The following LRRC1 variants were observed in gnomAD, a reference collection of about 807,000 sequenced individuals.
LRRC1 encodes the protein leucine-rich repeat-containing protein 1.
In LRRC1, 28 loss-of-function variants were observed where a neutral mutation model predicts 69.9. The observed-to-expected ratio is 0.40, with a 90% confidence interval of 0.30 to 0.55. The LOEUF is 0.55. Among genes scored for constraint, LRRC1 ranks in the 20% least tolerant of loss-of-function variants. The probability of loss-of-function intolerance (pLI) is 0.47; values close to 1 mark genes in which losing one functional copy is unlikely to be tolerated. For missense variants in LRRC1, 498 were observed against 609.0 expected (o/e 0.82, Z 1.92); for synonymous variants, 236 against 240.2 (o/e 0.98, Z 0.16).
intron 4 of LRRC1, among the ~76,000 whole-genome samples, chr6:53,894,137 G>A (rs1767792908): frequency 6.6e-6 from 1 of 152,240 alleles, no homozygotes. Flanking sequence ...CTCAGTCAGT[G>A]AGGGTGAGGG....
At chr6:53,845,303 C>G (rs947186267) in intron 2 of LRRC1, among the ~76,000 whole-genome samples, 1 of 152,188 alleles carries the variant, frequency 6.6e-6, no homozygotes, top group Non-Finnish European at 1.5e-5. Context: ...TAGGCCATTT[C>G]TTGGTCAAGC....
At chr6:53,880,951 T>TA (rs1172388369) in intron 3 of LRRC1, among the ~76,000 whole-genome samples, 2 of 152,174 alleles carry the variant, frequency 1.3e-5, no homozygotes, top group Admixed American at 1.3e-4. Flanking sequence ...TTCAGTTGCG[T>TA]ATTCCTTTTT....
intron 2 of LRRC1, among the ~76,000 whole-genome samples, chr6:53,844,077 C>T (rs942666090): frequency 2.0e-5 from 3 of 152,048 alleles, no homozygotes; most frequent in Non-Finnish European, 4.4e-5. Flanking sequence ...TGAGCAGCTT[C>T]GCTTACACTG....
chr6:53,801,674 C>T (rs1764489730), intron 1 of LRRC1, among the ~76,000 whole-genome samples: 1 of 152,088 alleles, frequency 6.6e-6, no homozygotes, highest in South Asian at 2.1e-4. Flanking sequence ...AAACTGAGAC[C>T]TAGAGAAGTT....
intron 2 of LRRC1, among the ~76,000 whole-genome samples, chr6:53,873,446 C>T (rs1766963501): frequency 6.8e-6 from 1 of 146,970 alleles, no homozygotes; most frequent in East Asian, 2.1e-4. Flanking sequence ...TATCCGCCAC[C>T]ACGCCCGGCT....
intron 4 of LRRC1, among the ~76,000 whole-genome samples, chr6:53,891,707 G>A (rs1046850762): frequency 6.6e-5 from 10 of 152,134 alleles, no homozygotes; most frequent in African/African-American, 2.4e-4. Context: ...AATTGGCCGG[G>A]TGTGATGGCT....
At chr6:53,859,145 G>A (rs987731925) in intron 2 of LRRC1, among the ~76,000 whole-genome samples, 2 of 152,136 alleles carry the variant, frequency 1.3e-5, no homozygotes, top group African/African-American at 4.8e-5. Context: ...AGCTGCCTCT[G>A]TAGGTTTGAA....
chr6:53,836,524 A>T (rs751336408), intron 1 of LRRC1, among the ~76,000 whole-genome samples: 1 of 152,182 alleles, frequency 6.6e-6, no homozygotes, highest in Non-Finnish European at 1.5e-5. Context: ...CTCCTCCTCT[A>T]GATCTAATGC....
rs759979440 is a variant in LRRC1 at position 53,896,896 on chromosome 6, A to C, written c.567+4A>C. ...AAACAATGAAATATATAATTTGGTA[A>C]GTCCGTATTAGAGATTTGAATTTAA... On this transcript the variant is annotated splice_donor_region_variant and intron_variant, in intron 6 of 13. Coordinates refer to ENST00000370888, the MANE Select transcript of LRRC1 (RefSeq NM_018214.5). 1.3e-6 allele frequency: 2 copies of C among 1,553,568 alleles called. No homozygotes were observed. The highest frequency in any genetic ancestry group is 3.4e-5 in the Admixed American group (2 of 59,658).
intron 12 of LRRC1, 50 bp from the exon 13 acceptor site, chr6:53,920,575 C>T (rs896499893): frequency 6.2e-7 from 1 of 1,611,184 alleles, no homozygotes; most frequent in Admixed American, 1.7e-5. Context: ...ATAGCATTTA[C>T]TGATCACATG....
intron 10 of LRRC1, among the ~76,000 whole-genome samples, chr6:53,910,410 T>C (rs1768371170): frequency 6.6e-6 from 1 of 152,142 alleles, no homozygotes; most frequent in Non-Finnish European, 1.5e-5. Flanking sequence ...AGCCAAAATA[T>C]ATATGAATGA....
intron 2 of LRRC1, among the ~76,000 whole-genome samples, chr6:53,852,921 G>A (rs1212094887): frequency 6.6e-6 from 1 of 152,174 alleles, no homozygotes; most frequent in Admixed American, 6.5e-5. Flanking sequence ...ATAAACAAGA[G>A]AAATGTATTG....
At chr6:53,833,810 T>C (rs1185584171) in intron 1 of LRRC1, among the ~76,000 whole-genome samples, 1 of 152,230 alleles carries the variant, frequency 6.6e-6, no homozygotes, top group Admixed American at 6.5e-5. Flanking sequence ...ATGGTTAGTT[T>C]TATTTAGAGA....
Position 53,899,751 on chromosome 6 carries a change from T to C in LRRC1, c.647T>C (p.Ile216Thr), listed in dbSNP as rs1767986640. ...TTTTCCATGTCATTGTTATAGGAAA[T>C]AGGAAATCTGAAGAACCTGCTGTGT... Reference protein sequence around the residue: ...GNQLSELPQEIGNLKNLLCLD... With the variant: ...GNQLSELPQETGNLKNLLCLD... Residue 216 changes from isoleucine (I) to threonine (T), a missense_variant, in exon 8 of 14, where the codon ATA becomes ACA. Ile to Thr is a moderately conservative substitution (Grantham distance 89). This residue lies in a region of LRRC1 where 266 missense variants were observed against 383.9 expected (regional missense o/e 0.69). Coordinates refer to ENST00000370888, the MANE Select transcript of LRRC1 (RefSeq NM_018214.5). The C allele has an allele frequency of 6.2e-7, 1 of 1,613,716 alleles. No individual in the cohort carries two copies. Among genetic ancestry groups the C allele is most frequent in the Non-Finnish European group, 8.5e-7 (1 of 1,179,840 alleles).
chr6:53,851,208 G>GAA (rs1766121758), intron 2 of LRRC1, among the ~76,000 whole-genome samples: 1 of 72,052 alleles, frequency 1.4e-5, no homozygotes, highest in African/African-American at 5.1e-5. Context: ...ACACACACGT[G>GAA]AATATATATA....
intron 1 of LRRC1, among the ~76,000 whole-genome samples, chr6:53,800,493 C>A (rs1764448262): frequency 6.6e-6 from 1 of 151,584 alleles, no homozygotes. Context: ...CTCAAGTGAT[C>A]TGCCTGCCTC....
At chr6:53,809,786 G>GA (rs1764739508) in intron 1 of LRRC1, among the ~76,000 whole-genome samples, 1 of 152,132 alleles carries the variant, frequency 6.6e-6, no homozygotes, top group African/African-American at 2.4e-5. Flanking sequence ...AATGTATCTG[G>GA]AATACTCTGG....
rs141214752 is a variant in LRRC1 at position 53,842,548 on chromosome 6, A to C, written c.277+321A>C. Among the ~76,000 whole-genome samples the C allele has an allele frequency of 2.6e-5, 4 of 152,354 alleles. No homozygotes were observed. The East Asian group carries it at 7.7e-4, about 29-fold the overall frequency. On this transcript the variant is annotated intron_variant, in intron 2 of 13. Transcript: ENST00000370888. ...AAGTTTTAGGAGACAGCTTTCTCCA[A>C]ATAAGTTCAATCTGATTCCTAGAGT...
intron 4 of LRRC1, among the ~76,000 whole-genome samples, chr6:53,895,560 TACTA>T (rs10532812): frequency 0.025 from 3,790 of 152,314 alleles, 362 homozygotes; most frequent in East Asian, 0.23. Context: ...ATCTGGATGT[TACTA>T]TGGTGATATT....
Sources: gnomAD v4.1 joint callset for allele counts (sites outside exome capture counted in the v4.1 genomes callset) on GRCh38, gnomAD v4.1.1 for gene constraint, gnomAD v4.1.1 regional missense constraint, MANE v1.5 for transcripts, NCBI Gene and HGNC (gene_info 2026-07-23, HGNC 2026-07-21) for gene names.